PSMD14: variants seen among roughly 807,000 people sequenced by gnomAD.
The protein encoded by PSMD14 is proteasome 26S subunit, non-ATPase 14.
Under a neutral mutation model 41.2 loss-of-function variants are expected in PSMD14, and 7 were observed. That is an observed-to-expected ratio of 0.17 (90% CI 0.10 to 0.32). PSMD14 has a LOEUF of 0.32. PSMD14 is among the 10% of genes least tolerant of loss of function. The probability of loss-of-function intolerance (pLI) is 1.00; values close to 1 mark genes in which losing one functional copy is unlikely to be tolerated. For missense variants in PSMD14, 139 were observed against 375.6 expected, an observed-to-expected ratio of 0.37 and a Z score of 5.21; for synonymous variants, 114 against 122.3, an observed-to-expected ratio of 0.93 and a Z score of 0.45.
chr2:161,385,389 A>G lies in PSMD14; in HGVS notation c.463-75A>G, dbSNP rs184171215. 8.1e-5 allele frequency: 57 copies of G among 704,996 alleles called. 1 individual carries two copies. In the African/African-American group the frequency reaches 9.7e-4, roughly 12 times the overall value. The allele number at this position is 704,996 out of a possible 1,614,324, so 43.7% of individuals were successfully genotyped here. A position where few individuals can be genotyped will look rare whatever the true frequency, so the allele number is the denominator to read the frequency against. On this transcript the variant is annotated intron_variant, in intron 7 of 11. Transcript: ENST00000409682. ...GTCCAGAAACAGATGCACGTCGATC[A>G]TGCCTTGTCCACTGTTGCTTGGCAT... is the stretch of plus-strand genomic sequence containing the variant.
At chr2:161,318,797 T>C in intron 2 of PSMD14, 25 bp from the exon 3 acceptor site, 1 of 1,605,354 alleles carries the variant, frequency 6.2e-7, no homozygotes, top group Non-Finnish European at 8.5e-7. Flanking sequence ...CTTAGGAACG[T>C]TTTTTCTTTG....
chr2:161,319,439 T>C (rs1689180114), intron 3 of PSMD14, among the ~76,000 whole-genome samples: 1 of 152,150 alleles, frequency 6.6e-6, no homozygotes, highest in African/African-American at 2.4e-5. Flanking sequence ...CTTGTTCCAT[T>C]TGCTGTTGGG....
At position 161,385,523 on chromosome 2, in the gene PSMD14, A is replaced by G; in HGVS notation, c.522A>G (p.Pro174=). Residue 174 remains proline (P), a synonymous_variant, in exon 8 of 12, where the codon CCA becomes CCG. Coordinates refer to ENST00000409682, the MANE Select transcript of PSMD14 (RefSeq NM_005805.6). Reference sequence around the variant, plus strand: ...ATATGATGGTCTTAGGACATGAACCAAGACAAACAACTTCGAATCTGGGTC... The same window carrying G: ...ATATGATGGTCTTAGGACATGAACCGAGACAAACAACTTCGAATCTGGGTC... ...NANMMVLGHE[P]RQTTSNLGHL... is the part of the protein sequence containing the mutation. The G allele has an allele frequency of 6.2e-7, 1 of 1,609,862 alleles. No individual in the cohort carries two copies. The highest frequency in any genetic ancestry group is 8.5e-7 in the Non-Finnish European group (1 of 1,177,146).
intron 3 of PSMD14, chr2:161,341,034 G>C: frequency 4.4e-6 from 7 of 1,605,064 alleles, no homozygotes; most frequent in Non-Finnish European, 5.9e-6. Context: ...CGCCGCCGCG[G>C]GATCCCCTGG....
At chr2:161,334,342 A>C (rs1370708043) in intron 3 of PSMD14, among the ~76,000 whole-genome samples, 2 of 152,180 alleles carry the variant, frequency 1.3e-5, no homozygotes, top group Non-Finnish European at 2.9e-5. Flanking sequence ...ATTTCAATTA[A>C]AATTTTAAAA....
At chr2:161,383,385 T>C (rs909650023) in intron 7 of PSMD14, 1 of 152,110 alleles carries the variant, frequency 6.6e-6, no homozygotes, top group Non-Finnish European at 1.5e-5. Flanking sequence ...TCAGGAATTG[T>C]CAATGAAAGC....
chr2:161,380,777 C>T (rs1216340017), intron 7 of PSMD14, among the ~76,000 whole-genome samples: 1 of 151,984 alleles, frequency 6.6e-6, no homozygotes, highest in Non-Finnish European at 1.5e-5. Flanking sequence ...TAAGATTTCT[C>T]TGAATTTTTT....
intron 3 of PSMD14, among the ~76,000 whole-genome samples, chr2:161,336,320 A>G (rs1682869434): frequency 6.6e-6 from 1 of 152,222 alleles, no homozygotes; most frequent in South Asian, 2.1e-4. Context: ...CACCATATTA[A>G]TAAAACACTG....
At chr2:161,346,802 G>T (rs1299268685) in intron 3 of PSMD14, among the ~76,000 whole-genome samples, 1 of 151,740 alleles carries the variant, frequency 6.6e-6, no homozygotes, top group Non-Finnish European at 1.5e-5. Flanking sequence ...GGTGGGAACA[G>T]GAACTCTTTC....
chr2:161,342,377 C>T (rs1057503995), intron 3 of PSMD14, among the ~76,000 whole-genome samples: 1 of 151,756 alleles, frequency 6.6e-6, no homozygotes, highest in African/African-American at 2.4e-5. Context: ...AGTCAAACAC[C>T]TTTTCTGCAT....
chr2:161,310,833 T>C (rs1689079094), intron 1 of PSMD14, among the ~76,000 whole-genome samples: 1 of 152,166 alleles, frequency 6.6e-6, no homozygotes, highest in South Asian at 2.1e-4. Context: ...CACTCTACAC[T>C]GCTGTCCTTT....
rs573747405 is a variant in PSMD14 at position 161,333,636 on chromosome 2, T to C, written c.48+14763T>C. 7.5e-4 allele frequency among the ~76,000 whole-genome samples: 115 copies of C among 152,364 alleles called. 1 individual carries two copies. Among genetic ancestry groups the C allele is most frequent in the Non-Finnish European group, 1.5e-5 (1 of 68,038 alleles). On this transcript the variant is annotated intron_variant, in intron 3 of 11. Transcript: ENST00000409682. ...CAGATAGTTTAGGATCTTGTTCCTA[T>C]TCTTCTTCCAGAGTAGATCACAATT...
At chr2:161,408,769 G>A in intron 10 of PSMD14, 68 bp from the exon 11 acceptor site, 1 of 1,180,188 alleles carries the variant, frequency 8.5e-7, no homozygotes. Flanking sequence ...ATTATTTTTG[G>A]TGATTATCCT....
At chr2:161,355,589 A>G (rs1683184809) in intron 3 of PSMD14, among the ~76,000 whole-genome samples, 2 of 152,030 alleles carry the variant, frequency 1.3e-5, no homozygotes, top group Admixed American at 1.3e-4. Flanking sequence ...TTAATGCACC[A>G]TCTGGAAACC....
intron 3 of PSMD14, among the ~76,000 whole-genome samples, chr2:161,321,944 T>C (rs926478059): frequency 1.3e-5 from 2 of 152,182 alleles, no homozygotes; most frequent in Non-Finnish European, 2.9e-5. Context: ...ATACATGAGC[T>C]TGATTGATTA....
At chr2:161,330,121 A>G (rs1217886325) in intron 3 of PSMD14, among the ~76,000 whole-genome samples, 2 of 152,204 alleles carry the variant, frequency 1.3e-5, no homozygotes, top group South Asian at 2.1e-4. Context: ...AGTTCTTAGA[A>G]TGGAAGGGGA....
intron 3 of PSMD14, among the ~76,000 whole-genome samples, chr2:161,330,983 C>G (rs1450422634): frequency 6.6e-6 from 1 of 152,102 alleles, no homozygotes; most frequent in Non-Finnish European, 1.5e-5. Context: ...CAAAAGTAGA[C>G]AGTAGAATGA....
chr2:161,322,677 A>G (rs948487417), intron 3 of PSMD14, among the ~76,000 whole-genome samples: 3 of 151,966 alleles, frequency 2.0e-5, no homozygotes, highest in African/African-American at 7.3e-5. Flanking sequence ...GATGTGAACC[A>G]TTGCGCCCGG....
At chr2:161,401,823 T>G (rs1424425997) in intron 10 of PSMD14, among the ~76,000 whole-genome samples, 1 of 152,200 alleles carries the variant, frequency 6.6e-6, no homozygotes, top group Non-Finnish European at 1.5e-5. Flanking sequence ...AAAGTAATGA[T>G]TTCCCCAATT....
Sources: allele counts gnomAD v4.1 joint callset (sites outside exome capture counted in the v4.1 genomes callset), GRCh38; gene constraint gnomAD v4.1.1; transcripts MANE v1.5; gene names NCBI Gene and HGNC (gene_info 2026-07-23, HGNC 2026-07-21).